The following VSIG4 variants were observed in gnomAD, a reference collection of about 807,000 sequenced individuals.
VSIG4 encodes the protein V-set and immunoglobulin domain containing 4.
In VSIG4, 34 loss-of-function variants were observed where a neutral mutation model predicts 23.4. The ratio of observed to expected loss-of-function variants is 1.45; its 90% CI spans 1.10 to 1.93. The LOEUF (loss-of-function observed/expected upper bound fraction) is 1.93. Among genes scored for constraint, VSIG4 ranks in the 30% most tolerant of loss-of-function variants. VSIG4 has a pLI of 0.00. For synonymous variants in VSIG4, 169 were observed against 120.3 expected (o/e 1.41, Z -2.65); for missense variants, 433 against 310.8 (o/e 1.39, Z -2.96).
At chrX:66,034,051 G>A (rs921374277) in intron 1 of VSIG4, among the ~76,000 whole-genome samples, 9 of 111,858 alleles carry the variant, frequency 8.0e-5, no homozygotes, top group Non-Finnish European at 1.7e-4. Context: ...GATCTTGTGA[G>A]TTTCAAGTCC....
At chrX:66,034,126 T>A (rs1217639994) in intron 1 of VSIG4, among the ~76,000 whole-genome samples, 1 of 112,164 alleles carries the variant, frequency 8.9e-6, no homozygotes, top group Non-Finnish European at 1.9e-5. Flanking sequence ...CGTGGAAGAT[T>A]CATTTACTTC....
At chrX:66,023,895 C>T (rs1394703036) in intron 6 of VSIG4, among the ~76,000 whole-genome samples, 1 of 112,399 alleles carries the variant, frequency 8.9e-6, no homozygotes, top group Non-Finnish European at 1.9e-5. Flanking sequence ...CGCTTATGCC[C>T]AGCCTCATCA....
chrX:66,037,758 G>T (rs561747167), intron 1 of VSIG4, among the ~76,000 whole-genome samples: 2 of 99,239 alleles, frequency 2.0e-5, no homozygotes, highest in East Asian at 6.1e-4. Flanking sequence ...TTACTGATAC[G>T]TATATATACT....
intron 1 of VSIG4, among the ~76,000 whole-genome samples, chrX:66,034,778 TG>T (rs1569243856): frequency 2.4e-4 from 6 of 25,253 alleles, no homozygotes; most frequent in African/African-American, 8.0e-4. Flanking sequence ...GGGGTGGGGG[TG>T]GGGAAGGAGG....
In VSIG4 at chrX:66,025,049, G is replaced by C; in HGVS notation, c.916C>G (p.Leu306Val). The change falls in exon 6 of 8, where the codon CTC becomes GTC. Residue 306 changes from leucine (L) to valine (V), a missense_variant. Physicochemically the swap from Leu to Val is conservative, Grantham distance 32 (BLOSUM62 1). Transcript: ENST00000374737. ...CCTTGTTGGGATGTCTTCCGACAGA[G>C]CATGATATAGGCCATGGTAAAAACC... ...MVVFTMAYIM[L>V]CRKTSQQEHV... 2 of 1,201,865 alleles carry C rather than the reference G, an allele frequency of 1.7e-6. No individual in the cohort carries two copies. The highest frequency in any genetic ancestry group is 6.0e-5 in the East Asian group (2 of 33,473).
Position 66,022,181 on chromosome X carries a change from A to G in VSIG4, c.*82T>C, listed in dbSNP as rs776455585. On this transcript the variant is annotated 3_prime_UTR_variant, in exon 8 of 8. Coordinates refer to ENST00000374737, the MANE Select transcript of VSIG4 (RefSeq NM_007268.3). ...GACACTTTGGGCTATCCAGGAAGAG[A>G]GGTAGCAGGGAAGAAGGCCATGCAG... The G allele has an allele frequency of 3.3e-6, 4 of 1,209,837 alleles. No homozygotes were observed. The Admixed American group carries it at 8.7e-5, about 26-fold the overall frequency.
At chrX:66,035,631 T>C (rs750661245) in intron 1 of VSIG4, among the ~76,000 whole-genome samples, 9 of 112,218 alleles carry the variant, frequency 8.0e-5, no homozygotes, top group African/African-American at 2.9e-4. Flanking sequence ...CTCCATGTGA[T>C]TGCAGATACA....
At chrX:66,033,984 C>T (rs2085501157) in intron 1 of VSIG4, among the ~76,000 whole-genome samples, 154 bp from the exon 2 acceptor site, 1 of 112,071 alleles carries the variant, frequency 8.9e-6, no homozygotes, top group South Asian at 3.7e-4. Context: ...TTGCTCTTTG[C>T]CAGCCTTCTC....
intron 1 of VSIG4, among the ~76,000 whole-genome samples, chrX:66,036,038 G>A (rs2085534453): frequency 9.0e-6 from 1 of 111,610 alleles, no homozygotes; most frequent in Admixed American, 9.5e-5. Flanking sequence ...ATCACTTCTG[G>A]AAGTAGGTCA....
At chrX:66,025,326 G>A (rs1166997276) in intron 5 of VSIG4, among the ~76,000 whole-genome samples, 197 bp from the exon 6 acceptor site, 1 of 112,092 alleles carries the variant, frequency 8.9e-6, no homozygotes, top group East Asian at 2.8e-4. Flanking sequence ...GTGTAAACAG[G>A]TTCTTCCAGA....
At chrX:66,031,561 C>T (rs998600559) in intron 3 of VSIG4, among the ~76,000 whole-genome samples, 1 of 110,778 alleles carries the variant, frequency 9.0e-6, no homozygotes, top group Admixed American at 9.6e-5. Context: ...GAACTATCCT[C>T]AGAAGACAAT....
At chrX:66,022,973 T>C in intron 6 of VSIG4, 111 bp from the exon 7 acceptor site, 1 of 843,123 alleles carries the variant, frequency 1.2e-6, no homozygotes, top group Middle Eastern at 2.8e-4. Flanking sequence ...GAGGAGGGGA[T>C]TTTAATATGT....
chrX:66,038,669 T>TTATAG (rs1207647006), intron 1 of VSIG4, among the ~76,000 whole-genome samples: 1 of 111,914 alleles, frequency 8.9e-6, no homozygotes, highest in Non-Finnish European at 1.9e-5. Context: ...AATGTGGTAG[T>TTATAG]TATAGAAAGA....
In VSIG4 at chrX:66,021,947, C is replaced by T. The variant is rs1394998645; in HGVS notation, c.*316G>A. ...CCTCGGGTCTTCTGGTGGCAAGATG[C>T]CAAAGTTGAATAGTGTCTGTAGGCA... is the stretch of plus-strand genomic sequence containing the variant. On this transcript the variant is annotated 3_prime_UTR_variant, in exon 8 of 8. Coordinates refer to ENST00000374737, the MANE Select transcript of VSIG4 (RefSeq NM_007268.3). The T allele has an allele frequency of 1.2e-6, 1 of 800,721 alleles. No individual in the cohort carries two copies. The highest frequency in any genetic ancestry group is 1.7e-6 in the Non-Finnish European group (1 of 573,237). The allele number at this position is 800,721 out of a possible 1,213,427, so 66.0% of individuals were successfully genotyped here.
intron 3 of VSIG4, among the ~76,000 whole-genome samples, chrX:66,031,541 T>C (rs2085464555): frequency 9.0e-6 from 1 of 110,584 alleles, no homozygotes. Context: ...TTACGCCCTC[T>C]CCTTACACAG....
chrX:66,033,695 G>A lies in VSIG4; in HGVS notation c.191C>T (p.Pro64Leu). 8.3e-7 allele frequency: 1 copy of A among 1,211,722 alleles called. No individual in the cohort carries two copies. Residue 64 changes from proline to leucine, a missense_variant, in exon 2 of 8, where the codon CCT becomes CTT. By Grantham distance (98) the Pro-to-Leu change is moderately conservative. Coordinates refer to ENST00000374737, the MANE Select transcript of VSIG4 (RefSeq NM_007268.3). The stretch of plus-strand genomic sequence containing the variant: ...AGAGTCACGTAGAAAGATGGTGACA[G>A]GGTCTGAGCCACGTTGTACCAGCCA... Reference protein sequence around the residue: ...VKWLVQRGSDPVTIFLRDSSG... With the variant: ...VKWLVQRGSDLVTIFLRDSSG...
At chrX:66,026,858 G>A (rs965088470) in intron 5 of VSIG4, among the ~76,000 whole-genome samples, 5 of 111,632 alleles carry the variant, frequency 4.5e-5, no homozygotes, top group African/African-American at 1.3e-4. Flanking sequence ...TAATAATGGA[G>A]GGCTCAGGGG....
In VSIG4 at chrX:66,039,941, T is replaced by C; in HGVS notation, c.55+3A>G. The stretch of plus-strand genomic sequence containing the variant: ...GGCAGCCAGGCCCCCCTTTCTGCCT[T>C]ACCATAAGTGTCCACTGTTAGGTGC... On this transcript the variant is annotated splice_donor_region_variant and intron_variant, in intron 1 of 7. Coordinates refer to ENST00000374737, the MANE Select transcript of VSIG4 (RefSeq NM_007268.3). The C allele has an allele frequency of 8.3e-7, 1 of 1,211,392 alleles. No individual in the cohort carries two copies. Among genetic ancestry groups the C allele is most frequent in the African/African-American group, 1.7e-5 (1 of 57,873 alleles).
chrX:66,023,197 C>G (rs2085352788), intron 6 of VSIG4, among the ~76,000 whole-genome samples: 1 of 110,165 alleles, frequency 9.1e-6, no homozygotes, highest in East Asian at 2.8e-4. Flanking sequence ...CCAAGGATCC[C>G]CAGAGAGTCC....
Sources: gnomAD v4.1 joint callset for allele counts (sites outside exome capture counted in the v4.1 genomes callset) on GRCh38, gnomAD v4.1.1 for gene constraint, MANE v1.5 for transcripts, NCBI Gene and HGNC (gene_info 2026-07-23, HGNC 2026-07-21) for gene names.